Variants in ZBTB20 observed in about 807,000 individuals in gnomAD.
ZBTB20 encodes zinc finger and BTB domain-containing protein 20.
Under a neutral mutation model 56.9 loss-of-function variants are expected in ZBTB20, and 9 were observed. The observed-to-expected ratio is 0.16, with a 90% CI of 0.10 to 0.28. The LOEUF (loss-of-function observed/expected upper bound fraction) is 0.28, where lower values mean the gene tolerates loss of function less well. ZBTB20 is among the 10% of genes least tolerant of loss of function. The pLI, the probability that ZBTB20 is intolerant of heterozygous loss-of-function variation, is 1.00. For synonymous variants in ZBTB20, 417 were observed against 420.7 expected, an observed-to-expected ratio of 0.99 and a Z score of 0.11; for missense variants, 655 against 1,003.0, an observed-to-expected ratio of 0.65 and a Z score of 4.69.
chr3:114,835,232 C>T (rs903409123), intron 4 of ZBTB20, among the ~76,000 whole-genome samples: 1 of 152,068 alleles, frequency 6.6e-6, no homozygotes, highest in African/African-American at 2.4e-5. Flanking sequence ...GTTCTTTTTC[C>T]CTCAAAATAA....
chr3:114,645,482 T>C (rs1002654448), intron 6 of ZBTB20, among the ~76,000 whole-genome samples: 1 of 152,126 alleles, frequency 6.6e-6, no homozygotes. Flanking sequence ...TATCCAGAAA[T>C]TGGCTTTATT....
intron 5 of ZBTB20, among the ~76,000 whole-genome samples, chr3:114,746,486 T>G (rs2067056104): frequency 6.6e-6 from 1 of 152,124 alleles, no homozygotes. Context: ...CAGTAACAGA[T>G]GCATGGAGGG....
chr3:114,979,085 C>A (rs2078227080), intron 2 of ZBTB20, among the ~76,000 whole-genome samples: 1 of 151,880 alleles, frequency 6.6e-6, no homozygotes, highest in Non-Finnish European at 1.5e-5. Flanking sequence ...ATAAAGATAA[C>A]AGCAACTACT....
rs146421417 is a variant in ZBTB20 at position 114,676,849 on chromosome 3, A to G, written c.-295+16679T>C. ...GAGTGCAGTGGCACGATCTGGGCTC[A>G]CTGCAATGTCCGACTCCCTGGTTCA... is the stretch of plus-strand genomic sequence containing the variant. On this transcript the variant is annotated intron_variant, in intron 6 of 11. Coordinates refer to ENST00000675478, the MANE Select transcript of ZBTB20 (RefSeq NM_001348800.3). Among the ~76,000 whole-genome samples the G allele has an allele frequency of 5.5e-3, 805 of 145,714 alleles. 16 individuals are homozygous for G. The highest frequency in any genetic ancestry group is 0.053 in the South Asian group (245 of 4,646).
chr3:114,750,053 T>C (rs999517750), intron 5 of ZBTB20, among the ~76,000 whole-genome samples: 4 of 152,228 alleles, frequency 2.6e-5, no homozygotes, highest in African/African-American at 7.2e-5. Flanking sequence ...GATTTTTTAA[T>C]GACATTTCCC....
At chr3:114,901,722 A>T (rs1005116598) in intron 3 of ZBTB20, among the ~76,000 whole-genome samples, 1 of 152,138 alleles carries the variant, frequency 6.6e-6, no homozygotes, top group Non-Finnish European at 1.5e-5. Flanking sequence ...GAATATTTTA[A>T]ATTTTACGGA....
intron 5 of ZBTB20, among the ~76,000 whole-genome samples, chr3:114,735,036 T>C (rs1420030812): frequency 2.0e-5 from 3 of 151,886 alleles, no homozygotes; most frequent in African/African-American, 4.8e-5. Flanking sequence ...TTTTTTTTTT[T>C]CCCATCAGCG....
At chr3:115,097,335 C>T (rs151071078) in intron 1 of ZBTB20, among the ~76,000 whole-genome samples, 28 of 152,170 alleles carry the variant, frequency 1.8e-4, no homozygotes, top group South Asian at 1.7e-3. Context: ...TGCACCACCA[C>T]GCCCAGGTAG....
chr3:114,900,142 T>C (rs915958167), intron 4 of ZBTB20, among the ~76,000 whole-genome samples, 162 bp downstream of exon 4: 2 of 152,234 alleles, frequency 1.3e-5, no homozygotes. Context: ...ATAAAATATA[T>C]GTATAAAATG....
intron 4 of ZBTB20, among the ~76,000 whole-genome samples, chr3:114,864,565 A>G (rs1336169949): frequency 2.0e-5 from 3 of 152,074 alleles, no homozygotes; most frequent in African/African-American, 7.2e-5. Flanking sequence ...TCTTATAGCA[A>G]AGAGGACATT....
intron 5 of ZBTB20, among the ~76,000 whole-genome samples, chr3:114,746,128 G>T (rs998085733): frequency 6.6e-6 from 1 of 152,158 alleles, no homozygotes; most frequent in Non-Finnish European, 1.5e-5. Context: ...ATTGCCCTGG[G>T]CAATTGAATA....
rs139337634 is a variant in ZBTB20 at position 115,080,892 on chromosome 3, T to G, written c.-702-9478A>C. Among the ~76,000 whole-genome samples the G allele has an allele frequency of 1.9e-3, 294 of 152,228 alleles. 1 individual carries two copies. Among genetic ancestry groups the G allele is most frequent in the African/African-American group, 6.3e-3 (263 of 41,562 alleles). On this transcript the variant is annotated intron_variant, in intron 1 of 11. Transcript: ENST00000675478. Reference sequence around the variant, plus strand: ...TAGAAGCAGGGAGGGAAGCTAACATTTCAGATATAAAAACAAGTTATAAAG... The same window carrying G: ...TAGAAGCAGGGAGGGAAGCTAACATGTCAGATATAAAAACAAGTTATAAAG...
intron 1 of ZBTB20, among the ~76,000 whole-genome samples, chr3:115,083,907 G>A (rs1242864826): frequency 6.6e-6 from 1 of 151,928 alleles, no homozygotes; most frequent in Non-Finnish European, 1.5e-5. Context: ...AATATAAAAT[G>A]TAAATGGTAA....
At chr3:114,495,194 G>A (rs1359170546) in intron 7 of ZBTB20, among the ~76,000 whole-genome samples, 1 of 152,180 alleles carries the variant, frequency 6.6e-6, no homozygotes, top group Non-Finnish European at 1.5e-5. Context: ...AAAGGGTCAT[G>A]TACTTATGGT....
chr3:114,915,973 T>G (rs920485212), intron 3 of ZBTB20, among the ~76,000 whole-genome samples: 1 of 152,038 alleles, frequency 6.6e-6, no homozygotes, highest in Non-Finnish European at 1.5e-5. Context: ...TTTTGTAGTC[T>G]TAGGTATCCT....
At chr3:114,480,199 C>T (rs2109354483) in intron 7 of ZBTB20, among the ~76,000 whole-genome samples, 1 of 152,156 alleles carries the variant, frequency 6.6e-6, no homozygotes, top group South Asian at 2.1e-4. Context: ...TGCTAGTTCT[C>T]AGCACAGAAG....
chr3:114,621,649 T>C (rs959825514), intron 6 of ZBTB20, among the ~76,000 whole-genome samples: 1 of 152,128 alleles, frequency 6.6e-6, no homozygotes, highest in Non-Finnish European at 1.5e-5. Flanking sequence ...ATTAAATGAA[T>C]ATAGCATATA....
intron 1 of ZBTB20, among the ~76,000 whole-genome samples, chr3:115,075,974 T>C (rs1407820608): frequency 1.3e-5 from 2 of 152,122 alleles, no homozygotes; most frequent in Admixed American, 6.6e-5. Context: ...TGCATTTCTA[T>C]ATATTAACAA....
chr3:114,524,308 A>G (rs1301203452), intron 6 of ZBTB20, among the ~76,000 whole-genome samples: 1 of 152,190 alleles, frequency 6.6e-6, no homozygotes, highest in African/African-American at 2.4e-5. Context: ...AATTATTAGT[A>G]ATTAAAACAT....
Sources: allele counts gnomAD v4.1 joint callset (sites outside exome capture counted in the v4.1 genomes callset), GRCh38; gene constraint gnomAD v4.1.1; transcripts MANE v1.5; gene names NCBI Gene and HGNC (gene_info 2026-07-23, HGNC 2026-07-21).